LMNA: variants seen among roughly 807,000 people sequenced by gnomAD.
LMNA encodes the protein lamin.
In LMNA, 20 loss-of-function variants were observed where a neutral mutation model predicts 70.4. That is an observed-to-expected ratio of 0.28 (90% CI 0.20 to 0.41). The LOEUF is 0.41. Ranked by LOEUF, LMNA falls within the 10% of genes least tolerant of loss-of-function variation. The pLI is 1.00. For missense variants in LMNA, 652 were observed against 917.2 expected (o/e 0.71, Z 3.73); for synonymous variants, 339 against 372.8 (o/e 0.91, Z 1.04).
intron 3 of LMNA, among the ~76,000 whole-genome samples, chr1:156,108,532 C>A (rs1380545920): frequency 6.6e-6 from 1 of 152,046 alleles, no homozygotes; most frequent in South Asian, 2.1e-4. Flanking sequence ...CCAGCACTTT[C>A]GGAGGCTGAG....
chr1:156,095,708 C>T (rs1234983594), intron 3 of LMNA, among the ~76,000 whole-genome samples: 1 of 152,148 alleles, frequency 6.6e-6, no homozygotes, highest in African/African-American at 2.4e-5. Context: ...CTTCCAGCTC[C>T]CCCAGGAGTC....
At chr1:156,119,400 G>A (rs1227811631) in intron 1 of LMNA, among the ~76,000 whole-genome samples, 4 of 152,030 alleles carry the variant, frequency 2.6e-5, no homozygotes, top group Non-Finnish European at 5.9e-5. Flanking sequence ...ACAGGTGTGA[G>A]CCACCGTACC....
intron 2 of LMNA, among the ~76,000 whole-genome samples, chr1:156,086,643 C>T (rs1648491191): frequency 6.6e-6 from 1 of 152,090 alleles, no homozygotes; most frequent in African/African-American, 2.4e-5. Flanking sequence ...CCTTCTTCTT[C>T]CTTTTTTTTC....
intron 3 of LMNA, among the ~76,000 whole-genome samples, chr1:156,092,124 G>C (rs777183246): frequency 4.6e-5 from 7 of 151,882 alleles, no homozygotes; most frequent in African/African-American, 7.3e-5. Flanking sequence ...CGCCATCTTG[G>C]TCAGACTGGT....
At chr1:156,084,328 C>CGGCG (rs1553259232) in intron 2 of LMNA, among the ~76,000 whole-genome samples, 18 of 91,054 alleles carry the variant, frequency 2.0e-4, no homozygotes, top group Non-Finnish European at 3.6e-4. Flanking sequence ...CTCAGAAGGT[C>CGGCG]GGGGGGTGGT....
In LMNA at chr1:156,115,272, G is replaced by T; in HGVS notation, c.354G>T (p.Ala118=). 1 of 1,604,420 alleles carries T rather than the reference G, an allele frequency of 6.2e-7. No homozygotes were observed. The highest frequency in any genetic ancestry group is 8.5e-7 in the Non-Finnish European group (1 of 1,178,688). Residue 118 remains alanine, a splice_region_variant and synonymous_variant, in exon 1 of 12, where the codon GCG becomes GCT. Transcript: ENST00000368300. The surrounding 1 kb of genome is among the most constrained non-coding windows in gnomAD (Gnocchi z 5.8). ...KVREEFKELK[A]RNTKKEGDLI... is the part of the protein sequence containing the mutation. ...GTGAGGAGTTTAAGGAGCTGAAAGC[G>T]CGGTGAGTTCGCCCAGGTGGCTGCG...
chr1:156,105,019 C>T (rs1649278009), intron 3 of LMNA, among the ~76,000 whole-genome samples: 1 of 152,222 alleles, frequency 6.6e-6, no homozygotes, highest in Non-Finnish European at 1.5e-5. Flanking sequence ...CAGTTTTAGC[C>T]TGTCTTCCTG....
Position 156,136,592 on chromosome 1 carries a change from C to T in LMNA, c.1380+156C>T. On this transcript the variant is annotated intron_variant, in intron 7 of 11. Coordinates refer to ENST00000368300, the MANE Select transcript of LMNA (RefSeq NM_170707.4). The surrounding 1 kb of genome is among the most constrained non-coding windows in gnomAD (Gnocchi z 6.1). ...CTCCACACTCTGGTTCCAGGCCTGG[C>T]TCCTGGACTCTTTGGCTGTGAGACC... is the stretch of plus-strand genomic sequence containing the variant. 2.5e-6 allele frequency: 2 copies of T among 807,730 alleles called. No individual in the cohort carries two copies. Among genetic ancestry groups the T allele is most frequent in the Non-Finnish European group, 4.1e-6 (2 of 486,510 alleles). 50.0% of individuals were successfully genotyped at this position (807,730 alleles called of 1,614,324 possible). A position where few individuals can be genotyped will look rare whatever the true frequency, so the allele number is the denominator to read the frequency against.
At chr1:156,098,775 T>C (rs1272223042) in intron 3 of LMNA, among the ~76,000 whole-genome samples, 3 of 152,100 alleles carry the variant, frequency 2.0e-5, no homozygotes, top group Non-Finnish European at 4.4e-5. Context: ...GGGACTGAGA[T>C]AGAGCTACCC....
rs2102885773 is a variant in LMNA at position 156,135,731 on chromosome 1, C to T, written c.937-170C>T. On this transcript the variant is annotated intron_variant, in intron 5 of 11. Transcript: ENST00000368300. This position sits in a 1 kb window ranked among gnomAD's most constrained non-coding sequence, Gnocchi z 4.8. Reference sequence around the variant, plus strand: ...AGGACTTCCCAGTTGCCAGCCAAGACTATGTTTAGAGCTTGTGATGTTCAG... The same window carrying T: ...AGGACTTCCCAGTTGCCAGCCAAGATTATGTTTAGAGCTTGTGATGTTCAG... 3 of 635,832 alleles carry T rather than the reference C, an allele frequency of 4.7e-6. No homozygotes were observed. Among genetic ancestry groups the T allele is most frequent in the East Asian group, 5.5e-5 (2 of 36,596 alleles). The allele number at this position is 635,832 out of a possible 1,614,324, so 39.4% of individuals were successfully genotyped here. A position where few individuals can be genotyped will look rare whatever the true frequency, so the allele number is the denominator to read the frequency against.
rs876657849 is a variant in LMNA at position 156,136,362 on chromosome 1, A to G, written c.1306A>G (p.Thr436Ala). The G allele has an allele frequency of 1.1e-5, 17 of 1,611,994 alleles. No homozygotes were observed. Among genetic ancestry groups the G allele is most frequent in the South Asian group, 2.2e-5 (2 of 91,002 alleles). The change falls in exon 7 of 12, where the codon ACT (threonine) becomes GCT (alanine). Residue 436 changes from threonine (T) to alanine (A), a missense_variant. Coordinates refer to ENST00000368300, the MANE Select transcript of LMNA (RefSeq NM_170707.4). This position sits in a 1 kb window ranked among gnomAD's most constrained non-coding sequence, Gnocchi z 6.1. ...CAGCAGCTTCTCACAGCACGCACGC[A>G]CTAGCGGGCGCGTGGCCGTGGAGGA... ...SRSSFSQHAR[T>A]SGRVAVEEVD...
chr1:156,090,260 T>G (rs1429715217), intron 2 of LMNA, among the ~76,000 whole-genome samples: 1 of 152,056 alleles, frequency 6.6e-6, no homozygotes, highest in Non-Finnish European at 1.5e-5. Flanking sequence ...GGGGAATGAG[T>G]GAATGAATAG....
At chr1:156,127,280 C>T (rs1033672976) in intron 1 of LMNA, among the ~76,000 whole-genome samples, 8 of 152,096 alleles carry the variant, frequency 5.3e-5, no homozygotes, top group Non-Finnish European at 2.9e-5. Flanking sequence ...GCGTGTGGCT[C>T]CCTGGCCACA....
At position 156,084,994 on chromosome 1, in the gene LMNA, C is replaced by T. The variant is rs146214362; in HGVS notation, c.-319+1810C>T. ...GGGGCTGGCTGAAAGGTGGGGTGGG[C>T]GAGGCAGGGTCCCTACTGGACCCAC... On this transcript the variant is annotated intron_variant, in intron 2 of 12. Transcript: ENST00000368301. 3.5e-4 allele frequency among the ~76,000 whole-genome samples: 54 copies of T among 152,242 alleles called. 2 individuals carry two copies. In the East Asian group the frequency reaches 0.01, roughly 28 times the overall value.
rs1412258546 is a variant in LMNA, at chr1:156,136,221, C to T, written c.1165C>T (p.Leu389=). The change falls in exon 7 of 12, where the codon CTG becomes TTG. Residue 389 remains leucine, a synonymous_variant. Transcript: ENST00000368300. This position sits in a 1 kb window ranked among gnomAD's most constrained non-coding sequence, Gnocchi z 6.1. ...LLEGEEERLR[L]SPSPTSQRSR... ...TGGTCTCCCTCTCCCCAGGCTACGC[C>T]TGTCCCCCAGCCCTACCTCGCAGCG... The T allele has an allele frequency of 6.2e-7, 1 of 1,612,560 alleles. No individual in the cohort carries two copies.
intron 1 of LMNA, among the ~76,000 whole-genome samples, chr1:156,120,234 T>C (rs985067277): frequency 1.3e-5 from 2 of 152,192 alleles, no homozygotes; most frequent in Non-Finnish European, 2.9e-5. Flanking sequence ...CAGATGCTTG[T>C]CCCATGTCAC....
Position 156,130,622 on chromosome 1 carries a change from C to T in LMNA, c.362C>T (p.Thr121Ile), listed in dbSNP as rs757961893. The change falls in exon 2 of 12, where the codon ACC becomes ATC. Residue 121 changes from threonine to isoleucine, a missense_variant. Coordinates refer to ENST00000368300, the MANE Select transcript of LMNA (RefSeq NM_170707.4). ...CTCTCCCCTCTCTTCTTTAGCAATA[C>T]CAAGAAGGAGGGTGACCTGATAGCT... ...EEFKELKARN[T>I]KKEGDLIAAQ... 3 of 1,613,946 alleles carry T rather than the reference C, an allele frequency of 1.9e-6. No individual in the cohort carries two copies. The highest frequency in any genetic ancestry group is 3.3e-5 in the Admixed American group (2 of 60,024).
At position 156,134,938 on chromosome 1, in the gene LMNA, A is replaced by G; in HGVS notation, c.773A>G (p.Gln258Arg). ...LRAQHEDQVE[Q>R]YKKELEKTYS... ...GCCCAGCATGAGGACCAGGTGGAGC[A>G]GTATAAGAAGGAGCTGGAGAAGACT... The change falls in exon 4 of 12, where the codon CAG becomes CGG. Residue 258 changes from glutamine (Q) to arginine (R), a missense_variant. Gln to Arg is a conservative substitution (Grantham distance 43). Coordinates refer to ENST00000368300, the MANE Select transcript of LMNA (RefSeq NM_170707.4). This position sits in a 1 kb window ranked among gnomAD's most constrained non-coding sequence, Gnocchi z 5.3. The G allele has an allele frequency of 6.2e-7, 1 of 1,614,206 alleles. No individual in the cohort carries two copies. Among genetic ancestry groups the G allele is most frequent in the Non-Finnish European group, 8.5e-7 (1 of 1,180,034 alleles).
intron 1 of LMNA, among the ~76,000 whole-genome samples, chr1:156,127,509 GTTTTTTTT>G (rs1170940332): frequency 3.6e-5 from 3 of 84,496 alleles, no homozygotes; most frequent in South Asian, 8.3e-4. Flanking sequence ...CCCCCTTACT[GTTTTTTTT>G]TTTTTTTTTT....
Sources: gnomAD v4.1 joint callset for allele counts (sites outside exome capture counted in the v4.1 genomes callset) on GRCh38, gnomAD v4.1.1 for gene constraint, Gnocchi (gnomAD v3.1) non-coding constraint, MANE v1.5 for transcripts, NCBI Gene and HGNC (gene_info 2026-07-23, HGNC 2026-07-21) for gene names.